ARG2: variants seen among roughly 807,000 people sequenced by gnomAD.
ARG2 encodes the protein arginase 2.
ARG2 carries 21 observed loss-of-function variants against 39.4 expected under a neutral mutation model. The ratio of observed to expected loss-of-function variants is 0.53; its 90% CI spans 0.38 to 0.77. The LOEUF (loss-of-function observed/expected upper bound fraction) is 0.77. Among genes scored for constraint, ARG2 ranks in the 30% least tolerant of loss-of-function variants. The probability of loss-of-function intolerance (pLI) is 0.00; values close to 1 mark genes in which losing one functional copy is unlikely to be tolerated. For synonymous variants in ARG2, 150 were observed against 156.7 expected (o/e 0.96, Z 0.32); for missense variants, 378 against 426.2 (o/e 0.89, Z 1.00).
At chr14:67,632,193 TTATCTC>T (rs1204459218) in intron 2 of ARG2, among the ~76,000 whole-genome samples, 6 of 152,144 alleles carry the variant, frequency 3.9e-5, no homozygotes, top group African/African-American at 1.4e-4. Context: ...AGCAAAAACT[TTATCTC>T]TAATACTTAT....
intron 7 of ARG2, 75 bp from the exon 8 acceptor site, chr14:67,650,640 C>T: frequency 1.4e-6 from 2 of 1,383,716 alleles, no homozygotes; most frequent in African/African-American, 2.8e-5. Flanking sequence ...CTTGTTCTCC[C>T]TGTCCCAGTG....
chr14:67,638,656 A>G (rs1335482169), intron 2 of ARG2, among the ~76,000 whole-genome samples: 1 of 152,168 alleles, frequency 6.6e-6, no homozygotes, highest in African/African-American at 2.4e-5. Flanking sequence ...CTAGGGGGAA[A>G]AAAGAAAAAA....
chr14:67,642,199 A>G lies in ARG2; in HGVS notation c.198A>G (p.Lys66=). The part of the protein sequence containing the change: ...KRLSSLGCHL[K]DFGDLSFTPV... ...ATTTGCTTCCAGGCTGCCACCTAAA[A>G]GACTTTGGAGATTTGAGTTTTACTC... Residue 66 remains lysine (K), a synonymous_variant, in exon 3 of 8, where the codon AAA becomes AAG. Transcript: ENST00000261783. 6.2e-7 allele frequency: 1 copy of G among 1,613,964 alleles called. No individual in the cohort carries two copies. Among genetic ancestry groups the G allele is most frequent in the South Asian group, 1.1e-5 (1 of 91,076 alleles).
In ARG2 at chr14:67,620,108, A is replaced by G. The variant is rs2036792662; in HGVS notation, c.111+20A>G. ...GGGCAGGTGAGAACTGGCACCTGGA[A>G]CCGCCGGGCAGGATCCTCCGCCCCC... On this transcript the variant is annotated intron_variant, in intron 1 of 7. Transcript: ENST00000261783. 6.5e-7 allele frequency: 1 copy of G among 1,543,698 alleles called. No homozygotes were observed. Among genetic ancestry groups the G allele is most frequent in the Non-Finnish European group, 8.8e-7 (1 of 1,135,078 alleles).
intron 2 of ARG2, among the ~76,000 whole-genome samples, chr14:67,630,095 T>C (rs1048044507): frequency 3.9e-5 from 6 of 152,268 alleles, no homozygotes; most frequent in African/African-American, 1.4e-4. Flanking sequence ...GGGTAGGGAC[T>C]CTCTCAACTT....
In ARG2 at chr14:67,640,171, C is replaced by T. The variant is rs530157315; in HGVS notation, c.185-2015C>T. Among the ~76,000 whole-genome samples, 7 of 152,048 alleles carry T rather than the reference C, an allele frequency of 4.6e-5. No homozygotes were observed. The South Asian group carries it at 1.5e-3, about 32-fold the overall frequency. ...TTTGGTTCACATTTTTATCTTGGTT[C>T]ACAATGTCTTTGGCCTGTTGTCATA... On this transcript the variant is annotated intron_variant, in intron 2 of 7. Transcript: ENST00000261783.
In ARG2 at chr14:67,648,190, A is replaced by AACCAGGTCT; in HGVS notation, c.859+7_859+8insACCAGGTCT. On this transcript the variant is annotated splice_region_variant and intron_variant, in intron 7 of 7. Transcript: ENST00000261783. ...GAGGAAATACACAATACAGGTATGT[A>AACCAGGTCT]GCAACCAGGTCTGCAGCCTGTTAAC... 6.2e-7 allele frequency: 1 copy of AACCAGGTCT among 1,611,570 alleles called. No individual in the cohort carries two copies. The highest frequency in any genetic ancestry group is 8.5e-7 in the Non-Finnish European group (1 of 1,178,438).
rs4350504 is a variant in ARG2 at position 67,632,851 on chromosome 14, C to T, written c.185-9335C>T. ...TTTTTTTTTTTTTGAGGCAGAGTCTCGCTCTATCGCTCAGGCTGGAGTGCA... is the reference window on the plus strand; with the variant it reads ...TTTTTTTTTTTTTGAGGCAGAGTCTTGCTCTATCGCTCAGGCTGGAGTGCA... On this transcript the variant is annotated intron_variant, in intron 2 of 7. Transcript: ENST00000261783. 5.3e-5 allele frequency among the ~76,000 whole-genome samples: 6 copies of T among 114,280 alleles called. No homozygotes were observed. The East Asian group carries it at 1.7e-3, about 32-fold the overall frequency. The allele number at this position is 114,280 out of a possible 152,430, so 75.0% of individuals were successfully genotyped here. A position where few individuals can be genotyped will look rare whatever the true frequency, so the allele number is the denominator to read the frequency against.
Position 67,650,991 on chromosome 14 carries a change from T to C in ARG2, c.*71T>C. ...ATGAGGCATTGAGGGGATAGATGAA[T>C]ACTAAATGGTTGTCTGGGTCAATAC... On this transcript the variant is annotated 3_prime_UTR_variant, in exon 8 of 8. Coordinates refer to ENST00000261783, the MANE Select transcript of ARG2 (RefSeq NM_001172.4). The C allele has an allele frequency of 2.1e-6, 3 of 1,435,460 alleles. No homozygotes were observed. The highest frequency in any genetic ancestry group is 2.9e-6 in the Non-Finnish European group (3 of 1,033,302). 88.9% of individuals were successfully genotyped at this position (1,435,460 alleles called of 1,614,324 possible).
intron 2 of ARG2, among the ~76,000 whole-genome samples, chr14:67,636,573 T>C (rs2036973925): frequency 6.6e-6 from 1 of 152,196 alleles, no homozygotes; most frequent in African/African-American, 2.4e-5. Flanking sequence ...ATTGCTAAGG[T>C]CAGGTAAGGC....
At chr14:67,625,697 A>G (rs546273845) in intron 2 of ARG2, among the ~76,000 whole-genome samples, 29 of 149,138 alleles carry the variant, frequency 1.9e-4, no homozygotes, top group Middle Eastern at 3.4e-3. Flanking sequence ...AAAAAAAAAA[A>G]AAAGAAACTG....
Position 67,650,794 on chromosome 14 carries a change from C to G in ARG2, c.939C>G (p.Asn313Lys), listed in dbSNP as rs372329104. 2 of 1,614,136 alleles carry G rather than the reference C, an allele frequency of 1.2e-6. No individual in the cohort carries two copies. Among genetic ancestry groups the G allele is most frequent in the South Asian group, 2.2e-5 (2 of 91,086 alleles). Residue 313 changes from asparagine (N) to lysine (K), a missense_variant, in exon 8 of 8, where the codon AAC (asparagine) becomes AAG (lysine). Transcript: ENST00000261783. Reference sequence around the variant, plus strand: ...AGGAAGAGGCGAAGACTACAGCTAACCTGGCAGTAGATGTGATTGCTTCAA... The same window carrying G: ...AGGAAGAGGCGAAGACTACAGCTAAGCTGGCAGTAGATGTGATTGCTTCAA... Reference protein sequence around the residue: ...TSEEEAKTTANLAVDVIASSF... With the variant: ...TSEEEAKTTAKLAVDVIASSF...
intron 2 of ARG2, among the ~76,000 whole-genome samples, chr14:67,629,297 C>G (rs1332818343): frequency 1.3e-5 from 2 of 152,196 alleles, no homozygotes; most frequent in African/African-American, 4.8e-5. Context: ...GATCATACCA[C>G]TGCATTCCAG....
Position 67,624,518 on chromosome 14 carries a change from C to T in ARG2, c.184+3552C>T, listed in dbSNP as rs534044477. On this transcript the variant is annotated intron_variant, in intron 2 of 7. Transcript: ENST00000261783. ...GCGGAAGGTGAAGGGGAAGCAAGCA[C>T]GTCTTATATGGCAGGAGCAGGAGGA... Among the ~76,000 whole-genome samples the T allele has an allele frequency of 7.9e-5, 12 of 152,248 alleles. No homozygotes were observed. The South Asian group carries it at 8.3e-4, about 11-fold the overall frequency.
chr14:67,620,794 C>A, intron 1 of ARG2, 100 bp from the exon 2 acceptor site: 3 of 1,152,454 alleles, frequency 2.6e-6, no homozygotes, highest in South Asian at 1.3e-5. Context: ...CTGATGCTGT[C>A]ACAGGTTTTC....
At chr14:67,623,196 T>C (rs1257522348) in intron 2 of ARG2, among the ~76,000 whole-genome samples, 1 of 152,236 alleles carries the variant, frequency 6.6e-6, no homozygotes, top group African/African-American at 2.4e-5. Flanking sequence ...AGCAGATTTC[T>C]AGCATGTGGT....
chr14:67,640,031 C>T (rs1204255442), intron 2 of ARG2, among the ~76,000 whole-genome samples: 1 of 150,784 alleles, frequency 6.6e-6, no homozygotes, highest in Admixed American at 6.6e-5. Flanking sequence ...AGCTTTCATT[C>T]TCTTAAGTCT....
At chr14:67,643,505 G>A (rs904982646) in intron 3 of ARG2, among the ~76,000 whole-genome samples, 3 of 152,136 alleles carry the variant, frequency 2.0e-5, no homozygotes, top group African/African-American at 7.2e-5. Flanking sequence ...ATTTACTGCT[G>A]GAAGCATGTA....
intron 2 of ARG2, among the ~76,000 whole-genome samples, chr14:67,633,254 C>T (rs1166828089): frequency 6.6e-6 from 1 of 151,878 alleles, no homozygotes; most frequent in Non-Finnish European, 1.5e-5. Flanking sequence ...ACTTTAAGAC[C>T]TTTGTAGGTT....
Sources: gnomAD v4.1 joint callset for allele counts (sites outside exome capture counted in the v4.1 genomes callset) on GRCh38, gnomAD v4.1.1 for gene constraint, MANE v1.5 for transcripts, NCBI Gene and HGNC (gene_info 2026-07-23, HGNC 2026-07-21) for gene names.